Variants in PVT1 observed in about 807,000 individuals in gnomAD.
PVT1 encodes CXCR4/PVT1 fusion.
At chr8:127,892,570 G>A (rs1815624885) in intron 3 of PVT1, among the ~76,000 whole-genome samples, 1 of 152,184 alleles carries the variant, frequency 6.6e-6, no homozygotes, top group Non-Finnish European at 1.5e-5. Flanking sequence ...GAGGGGCCAT[G>A]TACCTTCCCC....
At chr8:127,909,363 C>A (rs142136145) in intron 3 of PVT1, among the ~76,000 whole-genome samples, 15 of 152,278 alleles carry the variant, frequency 9.9e-5, no homozygotes, top group African/African-American at 2.9e-4. Context: ...AAACAGTAGG[C>A]AAGAGTCTTC....
intron 4 of PVT1, among the ~76,000 whole-genome samples, chr8:128,004,415 T>C (rs1817222032): frequency 6.6e-6 from 1 of 152,178 alleles, no homozygotes; most frequent in South Asian, 2.1e-4. Context: ...CATTTGCTCA[T>C]CCTGGAGGTG....
At chr8:127,810,241 C>G (rs1187320053) in intron 2 of PVT1, among the ~76,000 whole-genome samples, 9 of 152,218 alleles carry the variant, frequency 5.9e-5, no homozygotes, top group Non-Finnish European at 5.9e-5. Flanking sequence ...TTTCATGACT[C>G]TGGAAATTCC....
chr8:127,902,636 C>T (rs965648432), intron 3 of PVT1, among the ~76,000 whole-genome samples: 2 of 151,994 alleles, frequency 1.3e-5, no homozygotes, highest in African/African-American at 4.8e-5. Flanking sequence ...CATCTTTATG[C>T]CCATGTGTAC....
intron 4 of PVT1, among the ~76,000 whole-genome samples, chr8:128,045,476 A>C (rs2720708): frequency 6.6e-6 from 1 of 152,332 alleles, no homozygotes; most frequent in East Asian, 1.9e-4. Flanking sequence ...AAACTGATGC[A>C]TAAGTGTTAT....
chr8:127,928,508 A>T (rs530509727), intron 3 of PVT1, among the ~76,000 whole-genome samples: 45 of 152,354 alleles, frequency 3.0e-4, no homozygotes, highest in Non-Finnish European at 4.9e-4. Context: ...CAGGCAGCTG[A>T]GTTAAAAGTG....
intron 4 of PVT1, among the ~76,000 whole-genome samples, chr8:128,052,133 C>T (rs1323934898): frequency 6.6e-6 from 1 of 152,150 alleles, no homozygotes; most frequent in African/African-American, 2.4e-5. Context: ...GGTCTGAGGG[C>T]AAGTTTACTG....
At chr8:127,811,495 A>G (rs992830935) in intron 2 of PVT1, among the ~76,000 whole-genome samples, 3 of 152,052 alleles carry the variant, frequency 2.0e-5, no homozygotes, top group Non-Finnish European at 4.4e-5. Context: ...GTGCTCCCTA[A>G]TTATTGGTTA....
intron 2 of PVT1, among the ~76,000 whole-genome samples, chr8:127,844,006 G>A (rs1156255658): frequency 6.6e-6 from 1 of 151,030 alleles, no homozygotes; most frequent in Non-Finnish European, 1.5e-5. Context: ...TTTTTGAGAC[G>A]GAGTCTTGCT....
intron 5 of PVT1, among the ~76,000 whole-genome samples, chr8:128,095,310 G>A (rs1814413673): frequency 6.6e-6 from 1 of 152,184 alleles, no homozygotes; most frequent in South Asian, 2.1e-4. Context: ...GTGGGGTGTT[G>A]GCAGGGTTCT....
intron 5 of PVT1, among the ~76,000 whole-genome samples, chr8:128,072,423 G>A (rs1247852824): frequency 6.6e-6 from 1 of 152,086 alleles, no homozygotes; most frequent in Non-Finnish European, 1.5e-5. Flanking sequence ...TTAAAATCAG[G>A]TTTTCATTAT....
chr8:127,984,631 G>C (rs1816923451), intron 3 of PVT1, among the ~76,000 whole-genome samples: 1 of 152,260 alleles, frequency 6.6e-6, no homozygotes, highest in Non-Finnish European at 1.5e-5. Context: ...TTTTGAGACA[G>C]AGTTTTGCTC....
chr8:127,965,865 C>T (rs1816698028), intron 3 of PVT1, among the ~76,000 whole-genome samples: 1 of 152,156 alleles, frequency 6.6e-6, no homozygotes, highest in South Asian at 2.1e-4. Context: ...ATCCTACCTT[C>T]CTGATGATGC....
chr8:128,026,263 C>T (rs1362807475), intron 4 of PVT1, among the ~76,000 whole-genome samples: 2 of 152,090 alleles, frequency 1.3e-5, no homozygotes, highest in Non-Finnish European at 2.9e-5. Flanking sequence ...TTCTGATTCA[C>T]TCTTGTTTTG....
intron 3 of PVT1, among the ~76,000 whole-genome samples, chr8:127,976,154 C>A (rs1281908979): frequency 6.6e-6 from 1 of 152,206 alleles, no homozygotes; most frequent in African/African-American, 2.4e-5. Flanking sequence ...GTTAGAATTT[C>A]AACTTGCAGT....
At chr8:127,901,762 A>T (rs7819924) in intron 3 of PVT1, among the ~76,000 whole-genome samples, 31,528 of 149,154 alleles carry the variant, frequency 0.21, 4,029 homozygotes, top group Non-Finnish European at 0.28. Flanking sequence ...TTTTTTTTTT[A>T]AATTTCTAAT....
intron 3 of PVT1, among the ~76,000 whole-genome samples, chr8:127,897,871 GAAA>G (rs1815703968): frequency 9.8e-5 from 1 of 10,198 alleles, no homozygotes; most frequent in African/African-American, 7.0e-4. Flanking sequence ...AGGAAGAAAG[GAAA>G]GAAAGAAAGA....
At chr8:127,968,519 C>A (rs1391583925) in intron 3 of PVT1, among the ~76,000 whole-genome samples, 1 of 152,122 alleles carries the variant, frequency 6.6e-6, no homozygotes, top group Non-Finnish European at 1.5e-5. Context: ...ACAGTTGCCA[C>A]CAGGGACGCA....
chr8:128,069,638 G>A (rs1813957741), intron 4 of PVT1, among the ~76,000 whole-genome samples: 1 of 152,144 alleles, frequency 6.6e-6, no homozygotes, highest in African/African-American at 2.4e-5. Flanking sequence ...GGAAGCCCCT[G>A]CTACGTTCCA....
Sources: gnomAD v4.1 joint callset for allele counts (sites outside exome capture counted in the v4.1 genomes callset) on GRCh38, gnomAD v4.1.1 for gene constraint, MANE v1.5 for transcripts, NCBI Gene and HGNC (gene_info 2026-07-23, HGNC 2026-07-21) for gene names.